PXK: variants seen among roughly 807,000 people sequenced by gnomAD.
PXK encodes the protein PX domain-containing protein kinase-like protein.
In PXK, 35 loss-of-function variants were observed where a neutral mutation model predicts 84.7. The observed-to-expected ratio is 0.41, with a 90% CI of 0.32 to 0.55. The LOEUF (loss-of-function observed/expected upper bound fraction) is 0.55. Ranked by LOEUF, PXK falls within the 20% of genes least tolerant of loss-of-function variation. The pLI, the probability that PXK is intolerant of heterozygous loss-of-function variation, is 0.21. For synonymous variants in PXK, 253 were observed against 260.8 expected (o/e 0.97, Z 0.29); for missense variants, 634 against 699.7 (o/e 0.91, Z 1.06).
At chr3:58,349,641 C>T (rs1345797099) in intron 1 of PXK, among the ~76,000 whole-genome samples, 1 of 152,158 alleles carries the variant, frequency 6.6e-6, no homozygotes, top group Non-Finnish European at 1.5e-5. Flanking sequence ...CAGGCATGAG[C>T]CACAGCACCT....
intron 17 of PXK, among the ~76,000 whole-genome samples, chr3:58,417,179 A>G (rs1177328248): frequency 6.6e-6 from 1 of 152,198 alleles, no homozygotes; most frequent in Non-Finnish European, 1.5e-5. Flanking sequence ...TGCTGGGATT[A>G]TAGATGGGAG....
chr3:58,365,314 G>A (rs1215719895), intron 1 of PXK, among the ~76,000 whole-genome samples: 1 of 152,050 alleles, frequency 6.6e-6, no homozygotes, highest in East Asian at 1.9e-4. Context: ...AACTGTTGTG[G>A]AGATTTTCCT....
intron 3 of PXK, among the ~76,000 whole-genome samples, chr3:58,380,408 G>C (rs2098486237): frequency 6.7e-6 from 1 of 149,190 alleles, no homozygotes; most frequent in African/African-American, 2.5e-5. Context: ...ACTGCAGCCT[G>C]AGTGACAAAG....
intron 3 of PXK, among the ~76,000 whole-genome samples, chr3:58,376,987 T>C (rs535281716): frequency 6.6e-5 from 10 of 152,312 alleles, no homozygotes; most frequent in African/African-American, 2.4e-4. Flanking sequence ...AATAAAGTGA[T>C]TGGCTTGGAT....
At chr3:58,336,061 ATATATATATATTTTTTTT>A (rs1298954156) in intron 1 of PXK, among the ~76,000 whole-genome samples, 3 of 57,890 alleles carry the variant, frequency 5.2e-5, no homozygotes, top group African/African-American at 3.2e-4. Context: ...ATATATATAT[ATATATATATATTTTTTTT>A]TTTTTTTTTT....
rs959909209 is a variant in PXK, at chr3:58,397,482, C to G, written c.985-123C>G. ...ACAGAAGGCTTTGGAGTTGCATTTA[C>G]GTTACCAATTAGGAACGGGGCTATC... On this transcript the variant is annotated intron_variant, in intron 10 of 17. Transcript: ENST00000356151. This position sits in a 1 kb window ranked among gnomAD's most constrained non-coding sequence, Gnocchi z 4.7. The G allele has an allele frequency of 5.6e-6, 5 of 898,034 alleles. No individual in the cohort carries two copies. The highest frequency in any genetic ancestry group is 9.1e-6 in the Non-Finnish European group (5 of 551,332). The allele number at this position is 898,034 out of a possible 1,614,324, so 55.6% of individuals were successfully genotyped here. A position where few individuals can be genotyped will look rare whatever the true frequency, so the allele number is the denominator to read the frequency against.
intron 3 of PXK, among the ~76,000 whole-genome samples, chr3:58,372,448 G>A (rs2098388066): frequency 1.3e-5 from 2 of 151,628 alleles, no homozygotes; most frequent in South Asian, 2.1e-4. Flanking sequence ...TCAGCCTCCC[G>A]AGTAGCTGGG....
chr3:58,343,743 G>A (rs2097773339), intron 1 of PXK, among the ~76,000 whole-genome samples: 1 of 152,194 alleles, frequency 6.6e-6, no homozygotes, highest in South Asian at 2.1e-4. Context: ...CCAGTCCCTG[G>A]CACATAGATA....
intron 2 of PXK, among the ~76,000 whole-genome samples, chr3:58,367,493 C>T (rs1421825851): frequency 2.0e-5 from 3 of 152,102 alleles, no homozygotes; most frequent in Admixed American, 6.6e-5. Flanking sequence ...GATCCGCCTG[C>T]CTCGGCCTCC....
chr3:58,394,196 T>C (rs1257540628), intron 7 of PXK, among the ~76,000 whole-genome samples: 4 of 152,204 alleles, frequency 2.6e-5, no homozygotes, highest in Non-Finnish European at 4.4e-5. Flanking sequence ...CCAAAATCCC[T>C]GCATAGCTCA....
At chr3:58,417,883 C>T (rs55783924) in intron 17 of PXK, among the ~76,000 whole-genome samples, 44,865 of 152,204 alleles carry the variant, frequency 0.29, 7,379 homozygotes, top group Middle Eastern at 0.39. Flanking sequence ...TCTCTGTCAC[C>T]TTGGCTGGAA....
At chr3:58,389,684 A>C (rs1310336473) in intron 4 of PXK, among the ~76,000 whole-genome samples, 50 of 151,676 alleles carry the variant, frequency 3.3e-4, no homozygotes, top group Non-Finnish European at 2.9e-5. Flanking sequence ...AAACAAAAAA[A>C]AAAACCACAC....
At chr3:58,417,267 G>GT (rs2061120281) in intron 17 of PXK, among the ~76,000 whole-genome samples, 1 of 152,174 alleles carries the variant, frequency 6.6e-6, no homozygotes, top group Non-Finnish European at 1.5e-5. Flanking sequence ...CTGGCCTTTG[G>GT]CAGTTTGCTC....
intron 1 of PXK, among the ~76,000 whole-genome samples, chr3:58,356,899 C>G (rs1174406372): frequency 2.1e-5 from 1 of 47,662 alleles, no homozygotes; most frequent in Non-Finnish European, 5.6e-5. Context: ...CTGCGCCCGG[C>G]CTCTTTTTTT....
At position 58,399,186 on chromosome 3, in the gene PXK, C is replaced by T. The variant is rs192191946; in HGVS notation, c.1103-113C>T. 36 of 888,430 alleles carry T rather than the reference C, an allele frequency of 4.1e-5. 1 individual carries two copies. The African/African-American group carries it at 4.3e-4, about 11-fold the overall frequency. 55.0% of individuals were successfully genotyped at this position (888,430 alleles called of 1,614,324 possible). A position where few individuals can be genotyped will look rare whatever the true frequency, so the allele number is the denominator to read the frequency against. On this transcript the variant is annotated intron_variant, in intron 11 of 17. Transcript: ENST00000356151. This position sits in a 1 kb window ranked among gnomAD's most constrained non-coding sequence, Gnocchi z 4.3. ...TGTCTGTGTGTGAAGATTTTTGACACTGTCCTGATCAGCCCGCAGACAGTT... is the reference window on the plus strand; with the variant it reads ...TGTCTGTGTGTGAAGATTTTTGACATTGTCCTGATCAGCCCGCAGACAGTT...
chr3:58,343,050 A>G (rs1461283102), intron 1 of PXK, among the ~76,000 whole-genome samples: 2 of 152,178 alleles, frequency 1.3e-5, no homozygotes, highest in East Asian at 3.8e-4. Flanking sequence ...AATTCAGTTG[A>G]GGCTTTTTTG....
At chr3:58,395,343 G>C (rs899498926) in intron 8 of PXK, among the ~76,000 whole-genome samples, 1 of 152,206 alleles carries the variant, frequency 6.6e-6, no homozygotes, top group Admixed American at 6.5e-5. Context: ...ATGGCAAGCT[G>C]TTCTCTTAGG....
chr3:58,335,833 C>G (rs1002048646), intron 1 of PXK, among the ~76,000 whole-genome samples: 2 of 151,732 alleles, frequency 1.3e-5, no homozygotes, highest in Non-Finnish European at 2.9e-5. Flanking sequence ...AATGCCTGCC[C>G]TGCCTGCCTC....
rs192812590 is a variant in PXK at position 58,372,383 on chromosome 3, C to T, written c.201+2905C>T. 4.2e-3 allele frequency among the ~76,000 whole-genome samples: 632 copies of T among 151,868 alleles called. 4 individuals are homozygous for T. The highest frequency in any genetic ancestry group is 0.015 in the African/African-American group (603 of 41,374). ...TGTCGCCCAGGCTGGAGTGCAGTGG[C>T]GCGATCTTGGCTGACTGCAAGCTCC... is the stretch of plus-strand genomic sequence containing the variant. On this transcript the variant is annotated intron_variant, in intron 3 of 17. Transcript: ENST00000356151.
Sources: allele counts gnomAD v4.1 joint callset (sites outside exome capture counted in the v4.1 genomes callset), GRCh38; gene constraint gnomAD v4.1.1; non-coding constraint Gnocchi (gnomAD v3.1); transcripts MANE v1.5; gene names NCBI Gene and HGNC (gene_info 2026-07-23, HGNC 2026-07-21).